The following ABCC4 variants were observed in gnomAD, a reference collection of about 807,000 sequenced individuals.
ABCC4 encodes ATP-binding cassette sub-family C member 4.
ABCC4 carries 102 observed loss-of-function variants against 168.5 expected under a neutral mutation model. That is an observed-to-expected ratio of 0.61 (90% CI 0.52 to 0.71). The LOEUF is 0.71. Ranked by LOEUF, ABCC4 falls within the 30% of genes least tolerant of loss-of-function variation. The pLI is 0.00. For missense variants in ABCC4, 1,402 were observed against 1,605.8 expected (o/e 0.87, Z 2.17); for synonymous variants, 617 against 590.7 (o/e 1.04, Z -0.65).
At chr13:95,178,156 G>T in intron 11 of ABCC4, 65 bp from the exon 12 acceptor site, 1 of 1,440,190 alleles carries the variant, frequency 6.9e-7, no homozygotes, top group Non-Finnish European at 9.8e-7. Context: ...TCTGTTCTTT[G>T]TGTTCTTCCA....
Position 95,086,581 on chromosome 13 carries a change from G to C in ABCC4, c.2536-3291C>G, listed in dbSNP as rs868380347. On this transcript the variant is annotated intron_variant, in intron 20 of 30. Coordinates refer to ENST00000645237, the MANE Select transcript of ABCC4 (RefSeq NM_005845.5). ...AACCACCAAACTGCTTTGAGTCCTG[G>C]AGAAATTTTTAGGTATCTATCCACT... 5.9e-5 allele frequency among the ~76,000 whole-genome samples: 9 copies of C among 152,268 alleles called. No individual in the cohort carries two copies. In the South Asian group the frequency reaches 1.9e-3, roughly 32 times the overall value.
At chr13:95,149,354 T>C (rs1024211790) in intron 19 of ABCC4, among the ~76,000 whole-genome samples, 5 of 152,210 alleles carry the variant, frequency 3.3e-5, no homozygotes, top group African/African-American at 1.2e-4. Flanking sequence ...CTTATTAAAC[T>C]ATACTTGACT....
chr13:95,036,564 T>C (rs2032130056), intron 29 of ABCC4, among the ~76,000 whole-genome samples: 1 of 152,026 alleles, frequency 6.6e-6, no homozygotes, highest in Non-Finnish European at 1.5e-5. Context: ...ATTAGATTAA[T>C]AATAAAAATG....
intron 19 of ABCC4, among the ~76,000 whole-genome samples, chr13:95,141,189 A>G (rs2036305769): frequency 6.6e-6 from 1 of 152,238 alleles, no homozygotes; most frequent in Non-Finnish European, 1.5e-5. Flanking sequence ...GGAGTAAAAG[A>G]GCTTTAATCC....
intron 30 of ABCC4, among the ~76,000 whole-genome samples, chr13:95,032,986 T>G (rs1278620435): frequency 6.9e-6 from 1 of 145,222 alleles, no homozygotes; most frequent in African/African-American, 2.6e-5. Flanking sequence ...TTTTTTTTTT[T>G]TGAGATGGTG....
At chr13:95,095,497 C>T (rs932979201) in intron 20 of ABCC4, among the ~76,000 whole-genome samples, 1 of 152,050 alleles carries the variant, frequency 6.6e-6, no homozygotes, top group Non-Finnish European at 1.5e-5. Flanking sequence ...TATGAGGATG[C>T]AAAGGCATAA....
rs746555925 is a variant in ABCC4, at chr13:95,234,856, C to T, written c.307-22G>A. 7 of 1,483,040 alleles carry T rather than the reference C, an allele frequency of 4.7e-6. No homozygotes were observed. In the South Asian group the frequency reaches 8.7e-5, roughly 18 times the overall value. The allele number at this position is 1,483,040 out of a possible 1,614,324, so 91.9% of individuals were successfully genotyped here. A position where few individuals can be genotyped will look rare whatever the true frequency, so the allele number is the denominator to read the frequency against. On this transcript the variant is annotated intron_variant, in intron 3 of 30. Transcript: ENST00000645237. ...TTTCCTAAAAGAAGAAAAAGAAAAG[C>T]CTTTAATTAGACATACAGACCACAC... is the stretch of plus-strand genomic sequence containing the variant.
At chr13:95,268,385 A>G (rs2040739931) in intron 1 of ABCC4, among the ~76,000 whole-genome samples, 1 of 152,170 alleles carries the variant, frequency 6.6e-6, no homozygotes, top group African/African-American at 2.4e-5. Flanking sequence ...GATAGTCTAC[A>G]ATATGGCCTC....
At chr13:95,128,145 ATAACT>A (rs1014185173) in intron 19 of ABCC4, among the ~76,000 whole-genome samples, 1 of 152,190 alleles carries the variant, frequency 6.6e-6, no homozygotes, top group African/African-American at 2.4e-5. Flanking sequence ...CCTACATCAA[ATAACT>A]TAATCAGAAT....
chr13:95,141,726 C>T (rs974244217), intron 19 of ABCC4, among the ~76,000 whole-genome samples: 43 of 152,212 alleles, frequency 2.8e-4, no homozygotes, highest in African/African-American at 1.0e-3. Context: ...GTTGCTCCCT[C>T]AACAGAAAAT....
At chr13:95,187,523 A>C (rs1317741838) in intron 10 of ABCC4, among the ~76,000 whole-genome samples, 1 of 152,178 alleles carries the variant, frequency 6.6e-6, no homozygotes, top group African/African-American at 2.4e-5. Flanking sequence ...GAATCACTTG[A>C]ACCTAGGGAA....
intron 20 of ABCC4, among the ~76,000 whole-genome samples, chr13:95,110,126 T>C (rs2035152224): frequency 6.6e-6 from 1 of 151,934 alleles, no homozygotes; most frequent in Admixed American, 6.6e-5. Context: ...CTGGCCAACA[T>C]CGTGAAACCC....
chr13:95,097,472 T>C (rs1014379297), intron 20 of ABCC4, among the ~76,000 whole-genome samples: 11 of 151,958 alleles, frequency 7.2e-5, no homozygotes, highest in African/African-American at 2.4e-4. Flanking sequence ...CACCCCACTC[T>C]TAGTAAATGA....
intron 19 of ABCC4, among the ~76,000 whole-genome samples, chr13:95,133,878 G>A (rs565383063): frequency 3.7e-4 from 57 of 152,262 alleles, no homozygotes; most frequent in Admixed American, 9.2e-4. Flanking sequence ...AAACGCCATA[G>A]CAATTGACCT....
intron 28 of ABCC4, 79 bp from the exon 29 acceptor site, chr13:95,043,866 T>C (rs2032465738): frequency 4.3e-6 from 4 of 926,094 alleles, no homozygotes; most frequent in African/African-American, 1.7e-5. Context: ...TACTTCACAA[T>C]AGAGATTTAA....
chr13:95,045,841 G>A (rs1015290569), intron 27 of ABCC4, among the ~76,000 whole-genome samples: 2 of 152,088 alleles, frequency 1.3e-5, no homozygotes, highest in East Asian at 1.9e-4. Flanking sequence ...AAGAGTAAAC[G>A]GGTAACATTG....
In ABCC4 at chr13:95,044,339, A is replaced by T. The variant is rs764878414; in HGVS notation, c.3556T>A (p.Cys1186Ser). 2 of 1,613,868 alleles carry T rather than the reference A, an allele frequency of 1.2e-6. No individual in the cohort carries two copies. Among genetic ancestry groups the T allele is most frequent in the Non-Finnish European group, 1.7e-6 (2 of 1,179,914 alleles). Residue 1186 changes from cysteine to serine, a missense_variant, in exon 28 of 31, where the codon TGC (cysteine) becomes AGC (serine). By Grantham distance (112) the Cys-to-Ser change is moderately radical (BLOSUM62 -1). Coordinates refer to ENST00000645237, the MANE Select transcript of ABCC4 (RefSeq NM_005845.5). ...TTCCTGAGAATTGCCCTGGCAAGGC[A>T]CACCAGTTGTCTTTGTCCAACACTA... is the stretch of plus-strand genomic sequence containing the variant. ...NFSVGQRQLVCLARAILRKNQ... is the reference protein window; with the variant it reads ...NFSVGQRQLVSLARAILRKNQ...
At chr13:95,099,803 C>T (rs1036780409) in intron 20 of ABCC4, among the ~76,000 whole-genome samples, 4 of 152,112 alleles carry the variant, frequency 2.6e-5, no homozygotes, top group Non-Finnish European at 5.9e-5. Context: ...AACACTAAGT[C>T]AATGAACCCA....
intron 8 of ABCC4, among the ~76,000 whole-genome samples, chr13:95,199,724 T>A (rs1368975282): frequency 6.6e-6 from 1 of 152,080 alleles, no homozygotes; most frequent in African/African-American, 2.4e-5. Flanking sequence ...TCCTGACGTA[T>A]CTCCCTGCCT....
Sources: allele counts gnomAD v4.1 joint callset (sites outside exome capture counted in the v4.1 genomes callset), GRCh38; gene constraint gnomAD v4.1.1; transcripts MANE v1.5; gene names NCBI Gene and HGNC (gene_info 2026-07-23, HGNC 2026-07-21).